Variants in TXLNB observed in about 807,000 individuals in gnomAD.
TXLNB encodes beta-taxilin.
TXLNB carries 37 observed loss-of-function variants against 57.4 expected under a neutral mutation model. That is an observed-to-expected ratio of 0.64 (90% confidence interval 0.50 to 0.85). The LOEUF (loss-of-function observed/expected upper bound fraction) is 0.85. Among genes scored for constraint, TXLNB ranks in the 40% least tolerant of loss-of-function variants. The probability of loss-of-function intolerance (pLI) is 0.00; values close to 1 mark genes in which losing one functional copy is unlikely to be tolerated. For synonymous variants in TXLNB, 302 were observed against 309.6 expected (o/e 0.98, Z 0.26); for missense variants, 848 against 825.6 (o/e 1.03, Z -0.33).
chr6:139,190,024 T>C, the TXLNB span, among the ~76,000 whole-genome samples: 5 of 152,176 alleles, frequency 3.3e-5, no homozygotes, highest in African/African-American at 1.2e-4. Flanking sequence ...TCTTTCCTAG[T>C]TTTGTGTTTT....
chr6:139,280,011 C>G (rs1777003166), intron 2 of TXLNB, among the ~76,000 whole-genome samples: 1 of 152,050 alleles, frequency 6.6e-6, no homozygotes, highest in African/African-American at 2.4e-5. Context: ...CGTGGTGGCT[C>G]ATGCTTGCCG....
the TXLNB span, among the ~76,000 whole-genome samples, chr6:139,303,895 T>C: frequency 6.6e-6 from 1 of 151,072 alleles, no homozygotes; most frequent in African/African-American, 2.4e-5. Flanking sequence ...AAACTAAGGA[T>C]TCTTAAGAGA....
chr6:139,194,485 C>A, the TXLNB span, among the ~76,000 whole-genome samples: 4 of 152,318 alleles, frequency 2.6e-5, no homozygotes, highest in South Asian at 6.2e-4. Flanking sequence ...ATTGCTTAGA[C>A]CAGAATTCTT....
chr6:139,213,274 G>T, the TXLNB span, among the ~76,000 whole-genome samples: 2 of 151,972 alleles, frequency 1.3e-5, no homozygotes, highest in African/African-American at 4.8e-5. Context: ...TATAACAAAC[G>T]GTCTCTCGGA....
the TXLNB span, among the ~76,000 whole-genome samples, chr6:139,214,397 A>C: frequency 6.6e-6 from 1 of 152,236 alleles, no homozygotes; most frequent in Non-Finnish European, 1.5e-5. Context: ...ATCTCAATAG[A>C]TGCAGAAAAG....
chr6:139,247,772 A>T (rs772088543), intron 8 of TXLNB, 45 bp downstream of exon 8: 2 of 1,413,560 alleles, frequency 1.4e-6, no homozygotes, highest in Non-Finnish European at 2.0e-6. Flanking sequence ...TTTGCCTGTC[A>T]AAATAGAAAA....
At chr6:139,282,271 C>T (rs1365981388) in intron 2 of TXLNB, among the ~76,000 whole-genome samples, 5 of 147,382 alleles carry the variant, frequency 3.4e-5, no homozygotes, top group Non-Finnish European at 6.1e-5. Flanking sequence ...GGAGAGTGAC[C>T]GGACCGTTCA....
At chr6:139,275,217 T>C (rs973922413) in intron 3 of TXLNB, among the ~76,000 whole-genome samples, 1 of 152,168 alleles carries the variant, frequency 6.6e-6, no homozygotes, top group African/African-American at 2.4e-5. Context: ...AAATATTTGG[T>C]AAAGCAAAAC....
chr6:139,159,551 C>T, the TXLNB span, among the ~76,000 whole-genome samples: 18 of 152,138 alleles, frequency 1.2e-4, no homozygotes, highest in East Asian at 2.7e-3. Flanking sequence ...GGCTCTGTCC[C>T]GACAGAGAAG....
chr6:139,197,264 T>C, the TXLNB span, among the ~76,000 whole-genome samples: 1 of 152,206 alleles, frequency 6.6e-6, no homozygotes, highest in East Asian at 1.9e-4. Context: ...TTTATTTTTG[T>C]CCAAGGCACT....
the TXLNB span, among the ~76,000 whole-genome samples, chr6:139,229,179 A>G: frequency 6.6e-6 from 1 of 152,228 alleles, no homozygotes; most frequent in African/African-American, 2.4e-5. Flanking sequence ...CTACAAATGT[A>G]CGAGAAAAGG....
chr6:139,299,674 G>A, the TXLNB span, among the ~76,000 whole-genome samples: 1 of 152,004 alleles, frequency 6.6e-6, no homozygotes, highest in Non-Finnish European at 1.5e-5. Flanking sequence ...CTAACTCCAG[G>A]GGTCACTGTT....
the TXLNB span, among the ~76,000 whole-genome samples, chr6:139,303,600 C>T: frequency 6.6e-6 from 1 of 151,746 alleles, no homozygotes; most frequent in African/African-American, 2.4e-5. Flanking sequence ...CATCTTGGCA[C>T]TCTTAGGCAA....
At chr6:139,223,200 C>T in the TXLNB span, among the ~76,000 whole-genome samples, 1 of 152,152 alleles carries the variant, frequency 6.6e-6, no homozygotes, top group African/African-American at 2.4e-5. Context: ...TGAATCAATA[C>T]ACTTTTAAAC....
the TXLNB span, among the ~76,000 whole-genome samples, chr6:139,213,333 C>T: frequency 6.6e-6 from 1 of 152,116 alleles, no homozygotes; most frequent in Non-Finnish European, 1.5e-5. Context: ...TCACTCAAAA[C>T]CGCTCAACTA....
At chr6:139,288,369 T>C in intron 2 of TXLNB, 107 bp downstream of exon 2, 2 of 1,074,410 alleles carry the variant, frequency 1.9e-6, no homozygotes, top group East Asian at 2.4e-5. Context: ...AGAAGGCTAC[T>C]ACAGTCATCC....
the TXLNB span, among the ~76,000 whole-genome samples, chr6:139,224,230 G>A: frequency 6.7e-6 from 1 of 149,112 alleles, no homozygotes; most frequent in African/African-American, 2.5e-5. Flanking sequence ...CTCACTCATA[G>A]GTGGGAATTG....
At chr6:139,213,197 T>C in the TXLNB span, among the ~76,000 whole-genome samples, 1 of 152,006 alleles carries the variant, frequency 6.6e-6, no homozygotes, top group Non-Finnish European at 1.5e-5. Context: ...CCACACCACA[T>C]CTATTCCAAA....
rs146058287 is a variant in TXLNB at position 139,282,272 on chromosome 6, G to A, written c.425-5351C>T. Among the ~76,000 whole-genome samples the A allele has an allele frequency of 9.4e-3, 1,386 of 147,574 alleles. 9 individuals are homozygous for A. Among genetic ancestry groups the A allele is most frequent in the African/African-American group, 0.032 (1,302 of 40,272 alleles). On this transcript the variant is annotated intron_variant, in intron 2 of 9. Coordinates refer to ENST00000358430, the MANE Select transcript of TXLNB (RefSeq NM_153235.4). Reference sequence around the variant, plus strand: ...AAACAGACTATCTGGGAGAGTGACCGGACCGTTCAAAGGAAGACTAGGGGC... The same window carrying A: ...AAACAGACTATCTGGGAGAGTGACCAGACCGTTCAAAGGAAGACTAGGGGC...
Sources: gnomAD v4.1 joint callset for allele counts (sites outside exome capture counted in the v4.1 genomes callset) on GRCh38, gnomAD v4.1.1 for gene constraint, MANE v1.5 for transcripts, NCBI Gene and HGNC (gene_info 2026-07-23, HGNC 2026-07-21) for gene names.